GRIA3: variants seen among roughly 807,000 people sequenced by gnomAD.
GRIA3 encodes glutamate ionotropic receptor AMPA type subunit 3.
GRIA3 carries 3 observed loss-of-function variants against 63.0 expected under a neutral mutation model. The ratio of observed to expected loss-of-function variants is 0.05; its 90% CI spans 0.02 to 0.12. The LOEUF (loss-of-function observed/expected upper bound fraction) is 0.12. GRIA3 is among the 10% of genes least tolerant of loss of function. The pLI, the probability that GRIA3 is intolerant of heterozygous loss-of-function variation, is 1.00. For missense variants in GRIA3, 347 were observed against 700.9 expected (o/e 0.50, Z 5.70); for synonymous variants, 274 against 257.9 (o/e 1.06, Z -0.60).
intron 2 of GRIA3, among the ~76,000 whole-genome samples, chrX:123,246,616 G>A (rs367957174): frequency 5.4e-5 from 6 of 111,131 alleles, no homozygotes; most frequent in Middle Eastern, 4.7e-3. Context: ...ATATTTTAGG[G>A]TCCATTGATT....
intron 12 of GRIA3, among the ~76,000 whole-genome samples, chrX:123,452,111 T>C (rs1467265945): frequency 8.9e-6 from 1 of 112,030 alleles, no homozygotes; most frequent in Non-Finnish European, 1.9e-5. Flanking sequence ...ATTTATGCAC[T>C]AATTGGTAGC....
At chrX:123,465,497 A>G (rs1293417497) in intron 13 of GRIA3, among the ~76,000 whole-genome samples, 1 of 111,925 alleles carries the variant, frequency 8.9e-6, no homozygotes, top group Non-Finnish European at 1.9e-5. Context: ...GTTTTGAGCA[A>G]ATGTTATCCT....
At chrX:123,253,210 T>A in intron 2 of GRIA3, 93 bp from the exon 3 acceptor site, 1 of 1,035,341 alleles carries the variant, frequency 9.7e-7, no homozygotes, top group South Asian at 1.9e-5. Flanking sequence ...GGTATGCAAT[T>A]TGGGGCCTAA....
At chrX:123,319,244 T>C (rs1331095301) in intron 3 of GRIA3, among the ~76,000 whole-genome samples, 1 of 111,903 alleles carries the variant, frequency 8.9e-6, no homozygotes, top group East Asian at 2.8e-4. Context: ...TTTTGTATCC[T>C]AGGAGCAATA....
At chrX:123,313,188 GT>G (rs2147324217) in intron 3 of GRIA3, among the ~76,000 whole-genome samples, 1 of 111,742 alleles carries the variant, frequency 8.9e-6, no homozygotes, top group South Asian at 3.8e-4. Context: ...TCTTGGGGGT[GT>G]TTTACGTGGG....
chrX:123,363,096 T>C (rs953749983), intron 5 of GRIA3, among the ~76,000 whole-genome samples: 2 of 112,696 alleles, frequency 1.8e-5, no homozygotes, highest in Non-Finnish European at 3.7e-5. Context: ...ACAATTACTA[T>C]GCATTTCTTT....
intron 3 of GRIA3, among the ~76,000 whole-genome samples, chrX:123,323,444 T>C (rs2147331008): frequency 8.9e-6 from 1 of 112,531 alleles, no homozygotes; most frequent in African/African-American, 3.2e-5. Flanking sequence ...TTTAAAATTT[T>C]AAATGTCTGT....
intron 3 of GRIA3, among the ~76,000 whole-genome samples, chrX:123,305,875 G>GT (rs1486099895): frequency 8.9e-6 from 1 of 112,297 alleles, no homozygotes; most frequent in East Asian, 2.8e-4. Context: ...ATTGAGAAAA[G>GT]TAAGTTTTAA....
chrX:123,402,739 C>G lies in GRIA3; in HGVS notation c.1081-255C>G, dbSNP rs184461699. Among the ~76,000 whole-genome samples, 229 of 110,693 alleles carry G rather than the reference C, an allele frequency of 2.1e-3. 1 individual carries two copies. The highest frequency in any genetic ancestry group is 7.0e-3 in the African/African-American group (214 of 30,432). On this transcript the variant is annotated intron_variant, in intron 7 of 15. Coordinates refer to ENST00000620443, the MANE Select transcript of GRIA3 (RefSeq NM_007325.5). ...AAATTTCAGGTCCTTGAAAAAGTGG[C>G]GGTAGAGCCCTCATTATATTATATA...
chrX:123,312,344 A>G (rs754496617), intron 3 of GRIA3, among the ~76,000 whole-genome samples: 2 of 112,212 alleles, frequency 1.8e-5, no homozygotes, highest in African/African-American at 6.5e-5. Flanking sequence ...TTCGTTTCCC[A>G]CTATCTCAAT....
At chrX:123,255,906 C>A (rs931853731) in intron 3 of GRIA3, among the ~76,000 whole-genome samples, 11 of 110,938 alleles carry the variant, frequency 9.9e-5, no homozygotes, top group African/African-American at 3.6e-4. Context: ...TTTTCAATGG[C>A]TTTCTATTGC....
At chrX:123,336,574 A>C (rs1158571030) in intron 4 of GRIA3, among the ~76,000 whole-genome samples, 1 of 111,748 alleles carries the variant, frequency 8.9e-6, no homozygotes, top group African/African-American at 3.3e-5. Context: ...GTGGAGCCAA[A>C]GTGGAAGAGA....
At position 123,326,112 on chromosome X, in the gene GRIA3, G is replaced by A. The variant is rs898363972; in HGVS notation, c.595G>A (p.Val199Ile). ...AAGGTCTGTGGGAAACATAAAGGACGTCCAAGAATTCAGGCGCATCATTGA... is the reference window on the plus strand; with the variant it reads ...AAGGTCTGTGGGAAACATAAAGGACATCCAAGAATTCAGGCGCATCATTGA... Reference protein sequence around the residue: ...TARSVGNIKDVQEFRRIIEEM... With the variant: ...TARSVGNIKDIQEFRRIIEEM... The change falls in exon 4 of 16, where the codon GTC becomes ATC. Residue 199 changes from valine to isoleucine, a missense_variant. Physicochemically the swap from Val to Ile is conservative, Grantham distance 29. Around this residue, in one of 8 missense-constraint regions of GRIA3, gnomAD observed 113 missense variants for 130.6 expected, o/e 0.87. Coordinates refer to ENST00000620443, the MANE Select transcript of GRIA3 (RefSeq NM_007325.5). 5.8e-6 allele frequency: 7 copies of A among 1,205,272 alleles called. No individual in the cohort carries two copies. The African/African-American group carries it at 1.1e-4, about 18-fold the overall frequency.
At chrX:123,455,887 G>A (rs992250412) in intron 12 of GRIA3, among the ~76,000 whole-genome samples, 2 of 112,232 alleles carry the variant, frequency 1.8e-5, no homozygotes, top group Admixed American at 9.5e-5. Context: ...CTCATTAGCT[G>A]TGTGACCTAA....
intron 12 of GRIA3, among the ~76,000 whole-genome samples, chrX:123,453,761 C>T (rs1431878962): frequency 1.8e-5 from 2 of 110,414 alleles, no homozygotes; most frequent in East Asian, 5.8e-4. Context: ...TCATTTCTAC[C>T]TCAGTGTGAA....
intron 3 of GRIA3, among the ~76,000 whole-genome samples, chrX:123,277,534 G>C (rs997037784): frequency 1.8e-5 from 2 of 111,416 alleles, no homozygotes; most frequent in African/African-American, 6.5e-5. Context: ...TCTGAGAATA[G>C]ATAGAGCCAG....
chrX:123,393,722 G>C (rs1306224786), intron 5 of GRIA3, among the ~76,000 whole-genome samples: 1 of 111,954 alleles, frequency 8.9e-6, no homozygotes, highest in Non-Finnish European at 1.9e-5. Flanking sequence ...GGTATTCACT[G>C]TATAATTCTT....
At chrX:123,406,489 TA>T (rs199645644) in intron 10 of GRIA3, among the ~76,000 whole-genome samples, 1,337 of 111,856 alleles carry the variant, frequency 0.012, 12 homozygotes, top group Non-Finnish European at 0.018. Flanking sequence ...CTGGGGTCAC[TA>T]AATAAGTTCT....
chrX:123,393,243 A>T (rs185756404), intron 5 of GRIA3, among the ~76,000 whole-genome samples: 1 of 112,268 alleles, frequency 8.9e-6, no homozygotes, highest in Admixed American at 9.4e-5. Context: ...AATGTTTTCT[A>T]AGACTGTCTT....
Sources: gnomAD v4.1 joint callset for allele counts (sites outside exome capture counted in the v4.1 genomes callset) on GRCh38, gnomAD v4.1.1 for gene constraint, gnomAD v4.1.1 regional missense constraint, MANE v1.5 for transcripts, NCBI Gene and HGNC (gene_info 2026-07-23, HGNC 2026-07-21) for gene names.